PPEF1: variants seen among roughly 807,000 people sequenced by gnomAD.
The protein encoded by PPEF1 is protein phosphatase with EF-hand domain 1, also known as serine/threonine-protein phosphatase with EF-hands 1.
PPEF1 carries 12 observed loss-of-function variants against 53.3 expected under a neutral mutation model. The observed-to-expected ratio is 0.23, with a 90% CI of 0.14 to 0.36. The LOEUF (loss-of-function observed/expected upper bound fraction) is 0.36, where lower values mean the gene tolerates loss of function less well. Among genes scored for constraint, PPEF1 ranks in the 10% least tolerant of loss-of-function variants. The pLI is 1.00. For missense variants in PPEF1, 334 were observed against 490.4 expected (o/e 0.68, Z 3.01); for synonymous variants, 165 against 176.7 (o/e 0.93, Z 0.52).
At chrX:18,707,613 G>T (rs1458362699), upstream of PPEF1, 1 of 424,733 alleles carries the variant, frequency 2.4e-6, no homozygotes, top group African/African-American at 2.5e-5. Context: ...CTACCATGTG[G>T]TTAACTGGCG....
intron 1 of PPEF1, among the ~76,000 whole-genome samples, chrX:18,714,927 T>G (rs1477145064): frequency 3.6e-5 from 4 of 112,037 alleles, no homozygotes; most frequent in Non-Finnish European, 7.5e-5. Context: ...TCCACTGGTC[T>G]GACTAGTGTT....
chrX:18,743,446 C>CTTTTTTTTTTTTTTTTT (rs72264344), intron 3 of PPEF1, among the ~76,000 whole-genome samples: 28 of 59,328 alleles, frequency 4.7e-4, no homozygotes, highest in African/African-American at 1.9e-3. Context: ...TTCTCTTTTT[C>CTTTTTTTTTTTTTTTTT]TTTTTTTTTT....
intron 11 of PPEF1, among the ~76,000 whole-genome samples, chrX:18,804,373 C>G (rs1211055626): frequency 9.2e-6 from 1 of 108,124 alleles, no homozygotes; most frequent in Non-Finnish European, 1.9e-5. Context: ...GTGGTGTGAT[C>G]TCAGCTCACT....
At chrX:18,711,693 A>G (rs1022477823) in intron 1 of PPEF1, among the ~76,000 whole-genome samples, 17 of 109,478 alleles carry the variant, frequency 1.6e-4, no homozygotes, top group African/African-American at 5.7e-4. Context: ...TGGGCTCTCA[A>G]TTCTATTCCA....
chrX:18,762,079 C>G (rs1425086722), intron 6 of PPEF1, among the ~76,000 whole-genome samples: 1 of 111,590 alleles, frequency 9.0e-6, no homozygotes, highest in Non-Finnish European at 1.9e-5. Context: ...GCCTCCTCTT[C>G]ATTTATTGCA....
intron 9 of PPEF1, among the ~76,000 whole-genome samples, chrX:18,786,780 C>CAAAAAAAAAA (rs761641178): frequency 1.0e-4 from 6 of 58,767 alleles, no homozygotes; most frequent in Admixed American, 2.5e-4. Context: ...AACACTATCT[C>CAAAAAAAAAA]AAAAAAAAAA....
At chrX:18,742,017 C>T (rs1272688085) in intron 3 of PPEF1, among the ~76,000 whole-genome samples, 1 of 109,837 alleles carries the variant, frequency 9.1e-6, no homozygotes, top group South Asian at 3.9e-4. Flanking sequence ...AGGCTGGTCT[C>T]GAACTCCTGG....
At chrX:18,774,938 T>C (rs943683961) in intron 6 of PPEF1, among the ~76,000 whole-genome samples, 9 of 111,212 alleles carry the variant, frequency 8.1e-5, no homozygotes, top group Non-Finnish European at 1.7e-4. Flanking sequence ...AGCTTCAAAT[T>C]GAAGTCTTTT....
chrX:18,760,500 G>C (rs1420779020), intron 5 of PPEF1, among the ~76,000 whole-genome samples: 1 of 111,692 alleles, frequency 9.0e-6, no homozygotes, highest in African/African-American at 3.3e-5. Flanking sequence ...GGGTCCTATG[G>C]TAGGCACTTG....
intron 3 of PPEF1, among the ~76,000 whole-genome samples, chrX:18,739,025 G>A (rs1231074832): frequency 4.5e-5 from 5 of 111,828 alleles, no homozygotes; most frequent in Non-Finnish European, 7.5e-5. Flanking sequence ...TTAGCCATTC[G>A]TCTAATCTTT....
chrX:18,733,944 A>G, intron 3 of PPEF1, 136 bp downstream of exon 3: 2 of 449,038 alleles, frequency 4.5e-6, no homozygotes, highest in Non-Finnish European at 7.3e-6. Context: ...GTGACACCCA[A>G]CAACTGGCAA....
At chrX:18,804,129 A>G in intron 11 of PPEF1, 52 bp downstream of exon 11, 1 of 1,062,540 alleles carries the variant, frequency 9.4e-7, no homozygotes, top group Non-Finnish European at 1.3e-6. Flanking sequence ...CCCTAAGCAC[A>G]GTCTTTTCTT....
intron 13 of PPEF1, among the ~76,000 whole-genome samples, chrX:18,823,678 CA>C (rs753812438): frequency 2.6e-3 from 277 of 107,562 alleles, no homozygotes; most frequent in African/African-American, 9.1e-3. Context: ...CTTTGTTAAT[CA>C]AAAAAAAGGA....
intron 12 of PPEF1, among the ~76,000 whole-genome samples, chrX:18,809,107 C>T (rs749487169): frequency 9.4e-6 from 1 of 106,629 alleles, no homozygotes; most frequent in South Asian, 4.2e-4. Context: ...ATCTATCTAT[C>T]TATCTATCTA....
At chrX:18,750,851 G>GT (rs911829101) in intron 4 of PPEF1, among the ~76,000 whole-genome samples, 278 of 107,359 alleles carry the variant, frequency 2.6e-3, no homozygotes, top group Middle Eastern at 9.2e-3. Context: ...TTGTTATTTT[G>GT]TTTTTTTTTT....
At chrX:18,824,147 A>G (rs1230630792) in intron 14 of PPEF1, 61 bp downstream of exon 14, 1 of 1,081,717 alleles carries the variant, frequency 9.2e-7, no homozygotes, top group African/African-American at 1.9e-5. Flanking sequence ...TAGTCCTTTG[A>G]AAAGCTGGGA....
chrX:18,794,918 G>C (rs1017936632), intron 10 of PPEF1, among the ~76,000 whole-genome samples: 2 of 112,705 alleles, frequency 1.8e-5, no homozygotes, highest in Admixed American at 1.9e-4. Flanking sequence ...GACTCTCTCT[G>C]TTGGTATCAA....
intron 13 of PPEF1, among the ~76,000 whole-genome samples, chrX:18,820,628 A>G (rs1486788361): frequency 3.6e-5 from 4 of 110,226 alleles, no homozygotes; most frequent in Admixed American, 9.7e-5. Flanking sequence ...CTCGTGATCC[A>G]CCCGCCTTGG....
intron 1 of PPEF1, among the ~76,000 whole-genome samples, chrX:18,714,096 A>G (rs1162799717): frequency 9.0e-6 from 1 of 111,305 alleles, no homozygotes. Context: ...AGCTCTTGAT[A>G]GAAAATGATA....
Sources: gnomAD v4.1 joint callset for allele counts (sites outside exome capture counted in the v4.1 genomes callset) on GRCh38, gnomAD v4.1.1 for gene constraint, MANE v1.5 for transcripts, NCBI Gene and HGNC (gene_info 2026-07-23, HGNC 2026-07-21) for gene names.